SHCBP1: variants seen among roughly 807,000 people sequenced by gnomAD.
SHCBP1 encodes the protein SHC binding and spindle associated 1.
In SHCBP1, 60 loss-of-function variants were observed where a neutral mutation model predicts 75.1. That is an observed-to-expected ratio of 0.80 (90% CI 0.65 to 0.99). The LOEUF is 0.99. Among genes scored for constraint, SHCBP1 ranks in the 50% least tolerant of loss-of-function variants. SHCBP1 has a pLI of 0.00. For synonymous variants in SHCBP1, 290 were observed against 293.2 expected (o/e 0.99, Z 0.11); for missense variants, 709 against 809.4 (o/e 0.88, Z 1.50).
chr16:46,583,430 A>G (rs1316763507), intron 12 of SHCBP1, 86 bp downstream of exon 12: 1 of 1,395,920 alleles, frequency 7.2e-7, no homozygotes, highest in African/African-American at 1.5e-5. Context: ...TTTTTTAAGG[A>G]AGAGAGGAAG....
intron 9 of SHCBP1, among the ~76,000 whole-genome samples, chr16:46,597,134 AT>A (rs1486206381): frequency 6.6e-6 from 1 of 152,168 alleles, no homozygotes; most frequent in Non-Finnish European, 1.5e-5. Context: ...GAGTCACACA[AT>A]TTTTTTGGTT....
chr16:46,584,431 G>T (rs902270404), intron 10 of SHCBP1, among the ~76,000 whole-genome samples: 1 of 150,982 alleles, frequency 6.6e-6, no homozygotes, highest in Non-Finnish European at 1.5e-5. Context: ...TAACAATTTT[G>T]TTGAAAGACA....
At chr16:46,599,303 CT>C (rs1247766549) in intron 9 of SHCBP1, among the ~76,000 whole-genome samples, 1 of 152,144 alleles carries the variant, frequency 6.6e-6, no homozygotes, top group Non-Finnish European at 1.5e-5. Context: ...AGACATGTGA[CT>C]CTTCCTTTCA....
At chr16:46,609,704 G>A (rs1017934720) in intron 4 of SHCBP1, among the ~76,000 whole-genome samples, 1 of 151,340 alleles carries the variant, frequency 6.6e-6, no homozygotes, top group East Asian at 2.0e-4. Flanking sequence ...CCCCTGCCTC[G>A]GTCTCCCAAA....
At chr16:46,594,296 G>T (rs1172356667) in intron 10 of SHCBP1, among the ~76,000 whole-genome samples, 1 of 152,088 alleles carries the variant, frequency 6.6e-6, no homozygotes, top group African/African-American at 2.4e-5. Context: ...TATGAAGAAG[G>T]TGAAAAGACA....
In SHCBP1 at chr16:46,583,541, T is replaced by C. The variant is rs1341834967; in HGVS notation, c.1668A>G (p.Gln556=). The change falls in exon 12 of 13, where the codon CAA becomes CAG. Residue 556 remains glutamine (Q), a synonymous_variant. Transcript: ENST00000303383. ...CTTCAGTTCCATCTTCAGCATTTTC[T>C]TGCAGGTCAGAGAAGATTGTAGGTT... ...LVKPTIFSDL[Q]ENAEDGTEEN... The C allele has an allele frequency of 5.6e-6, 9 of 1,601,608 alleles. No individual in the cohort carries two copies. The highest frequency in any genetic ancestry group is 2.7e-5 in the African/African-American group (2 of 73,994).
intron 10 of SHCBP1, 39 bp downstream of exon 10, chr16:46,595,513 A>G (rs1259255873): frequency 1.3e-6 from 2 of 1,498,460 alleles, no homozygotes; most frequent in Non-Finnish European, 1.9e-6. Context: ...TTTACAACTT[A>G]AACACAAACT....
intron 10 of SHCBP1, among the ~76,000 whole-genome samples, chr16:46,590,016 C>A (rs1304792668): frequency 6.6e-6 from 1 of 152,098 alleles, no homozygotes; most frequent in Non-Finnish European, 1.5e-5. Context: ...AATAATACCA[C>A]ACATCTACAA....
At chr16:46,609,129 T>A (rs1965368347) in intron 4 of SHCBP1, among the ~76,000 whole-genome samples, 1 of 152,138 alleles carries the variant, frequency 6.6e-6, no homozygotes, top group Non-Finnish European at 1.5e-5. Context: ...CGTAAGGACA[T>A]AATCATAAGG....
intron 4 of SHCBP1, among the ~76,000 whole-genome samples, chr16:46,615,538 G>A (rs1031818772): frequency 4.6e-5 from 7 of 152,106 alleles, no homozygotes; most frequent in Admixed American, 6.5e-5. Flanking sequence ...TCAAGAGTTC[G>A]AGACTGACCT....
At chr16:46,614,324 T>C (rs1031927271) in intron 4 of SHCBP1, among the ~76,000 whole-genome samples, 1 of 152,198 alleles carries the variant, frequency 6.6e-6, no homozygotes, top group Admixed American at 6.5e-5. Context: ...GAAAGTACTT[T>C]TTATACTACA....
intron 4 of SHCBP1, among the ~76,000 whole-genome samples, chr16:46,609,111 T>TAA (rs1193835386): frequency 2.6e-5 from 4 of 152,306 alleles, no homozygotes; most frequent in African/African-American, 9.6e-5. Flanking sequence ...AAGCAATGTA[T>TAA]AAGATCACGT....
At chr16:46,596,228 G>A (rs1965138677) in intron 9 of SHCBP1, among the ~76,000 whole-genome samples, 3 of 152,046 alleles carry the variant, frequency 2.0e-5, no homozygotes, top group Admixed American at 6.6e-5. Context: ...TTTCTAGGCC[G>A]CATGCGGTAG....
At chr16:46,618,421 G>A in intron 1 of SHCBP1, 49 bp from the exon 2 acceptor site, 4 of 1,501,382 alleles carry the variant, frequency 2.7e-6, no homozygotes, top group Non-Finnish European at 1.8e-6. Context: ...TTATTTGAAT[G>A]CTTCTATTTT....
At chr16:46,603,846 C>G in intron 7 of SHCBP1, 129 bp downstream of exon 7, 1 of 1,307,084 alleles carries the variant, frequency 7.7e-7, no homozygotes, top group South Asian at 1.5e-5. Context: ...AAAGGCAGGG[C>G]TCTCACTACT....
chr16:46,619,422 C>T (rs898570151), intron 1 of SHCBP1, among the ~76,000 whole-genome samples: 2 of 152,018 alleles, frequency 1.3e-5, no homozygotes, highest in Non-Finnish European at 2.9e-5. Flanking sequence ...ACCAGAAGTA[C>T]TTGACCCACA....
Position 46,581,611 on chromosome 16 carries a change from C to G in SHCBP1, c.*118G>C. 8 of 956,364 alleles carry G rather than the reference C, an allele frequency of 8.4e-6. No individual in the cohort carries two copies. The highest frequency in any genetic ancestry group is 6.3e-6 in the Non-Finnish European group (4 of 637,084). The allele number at this position is 956,364 out of a possible 1,614,324, so 59.2% of individuals were successfully genotyped here. A position where few individuals can be genotyped will look rare whatever the true frequency, so the allele number is the denominator to read the frequency against. On this transcript the variant is annotated 3_prime_UTR_variant, in exon 13 of 13. Transcript: ENST00000303383. Reference sequence around the variant, plus strand: ...AATGGAAATAAATCTACCTTTCACTCAAGCCCAAATAATCAAATATAAAAT... The same window carrying G: ...AATGGAAATAAATCTACCTTTCACTGAAGCCCAAATAATCAAATATAAAAT...
chr16:46,605,097 A>G (rs970958971), intron 5 of SHCBP1, among the ~76,000 whole-genome samples: 4 of 152,214 alleles, frequency 2.6e-5, no homozygotes, highest in East Asian at 1.9e-4. Context: ...CGAGGGGGAA[A>G]AAAAGGTGCC....
In SHCBP1 at chr16:46,621,173, C is replaced by T. The variant is rs1267598681; in HGVS notation, c.103+84G>A. 3.8e-6 allele frequency: 5 copies of T among 1,311,874 alleles called. No individual in the cohort carries two copies. The Admixed American group carries it at 7.0e-5, about 18-fold the overall frequency. The allele number at this position is 1,311,874 out of a possible 1,614,324, so 81.3% of individuals were successfully genotyped here. ...CCTGGACAGACGGGTCCGGAAGGCCCGCGACCCAGGCGCCCTCCTAGGGTC... is the reference window on the plus strand; with the variant it reads ...CCTGGACAGACGGGTCCGGAAGGCCTGCGACCCAGGCGCCCTCCTAGGGTC... On this transcript the variant is annotated intron_variant, in intron 1 of 12. Transcript: ENST00000303383.
Sources: gnomAD v4.1 joint callset for allele counts (sites outside exome capture counted in the v4.1 genomes callset) on GRCh38, gnomAD v4.1.1 for gene constraint, MANE v1.5 for transcripts, NCBI Gene and HGNC (gene_info 2026-07-23, HGNC 2026-07-21) for gene names.